Variants in IFNAR1 observed in about 807,000 individuals in gnomAD.
The protein encoded by IFNAR1 is interferon alpha and beta receptor subunit 1, also known as interferon alpha/beta receptor 1.
A neutral mutation model predicts 62.1 loss-of-function variants in IFNAR1; 47 were observed. That is an observed-to-expected ratio of 0.76 (90% CI 0.60 to 0.97). The LOEUF (loss-of-function observed/expected upper bound fraction) is 0.97, where lower values mean the gene tolerates loss of function less well. Ranked by LOEUF, IFNAR1 falls within the 50% of genes least tolerant of loss-of-function variation. The pLI is 0.00. For missense variants in IFNAR1, 638 were observed against 654.5 expected (o/e 0.97, Z 0.27); for synonymous variants, 219 against 226.9 (o/e 0.97, Z 0.31).
chr21:33,352,912 A>C lies in IFNAR1; in HGVS notation c.1294+4A>C. The C allele has an allele frequency of 6.4e-7, 1 of 1,561,694 alleles. No individual in the cohort carries two copies. Reference sequence around the variant, plus strand: ...GTATGTGAGAAAACAAAACCAGGTCAGAATCTTTTATTGTCTTTTTTAAAA... The same window carrying C: ...GTATGTGAGAAAACAAAACCAGGTCCGAATCTTTTATTGTCTTTTTTAAAA... On this transcript the variant is annotated splice_donor_region_variant and intron_variant, in intron 9 of 10. Coordinates refer to ENST00000270139, the MANE Select transcript of IFNAR1 (RefSeq NM_000629.3).
rs565741546 is a variant in IFNAR1, at chr21:33,351,787, T to G, written c.1144-971T>G. 3.0e-4 allele frequency among the ~76,000 whole-genome samples: 46 copies of G among 152,090 alleles called. 1 individual carries two copies. In the East Asian group the frequency reaches 6.8e-3, roughly 22 times the overall value. On this transcript the variant is annotated intron_variant, in intron 8 of 10. Transcript: ENST00000270139. ...CTTTTTTGGTGGTGGTGGTGGTGGT[T>G]GTTTTGGAAATAGGGATTTCCTCAG...
intron 5 of IFNAR1, among the ~76,000 whole-genome samples, chr21:33,344,933 G>A (rs562965068): frequency 1.4e-3 from 213 of 152,046 alleles, no homozygotes; most frequent in Non-Finnish European, 2.4e-3. Context: ...GATTACAGGC[G>A]TGTGCCATCA....
At chr21:33,331,175 A>G (rs1351167287) in intron 1 of IFNAR1, among the ~76,000 whole-genome samples, 1 of 152,118 alleles carries the variant, frequency 6.6e-6, no homozygotes, top group African/African-American at 2.4e-5. Flanking sequence ...TACTCCACCT[A>G]CTCCTACCCC....
At chr21:33,348,851 TCTAA>T (rs1225672768) in intron 6 of IFNAR1, among the ~76,000 whole-genome samples, 2 of 152,044 alleles carry the variant, frequency 1.3e-5, no homozygotes, top group African/African-American at 4.8e-5. Context: ...TCCTGGAAAT[TCTAA>T]CTAACAGATG....
chr21:33,334,106 G>C lies in IFNAR1; in HGVS notation c.77-1418G>C, dbSNP rs1247930067. ...AAGAAGGTTATTATATAATGATAAA[G>C]GGACCAATTCAGCAAGAGGATATAA... On this transcript the variant is annotated intron_variant, in intron 1 of 10. Coordinates refer to ENST00000270139, the MANE Select transcript of IFNAR1 (RefSeq NM_000629.3). 1.3e-5 allele frequency among the ~76,000 whole-genome samples: 2 copies of C among 152,064 alleles called. 1 individual carries two copies.
chr21:33,331,963 G>A (rs567093243), intron 1 of IFNAR1, among the ~76,000 whole-genome samples: 14 of 152,208 alleles, frequency 9.2e-5, no homozygotes, highest in East Asian at 5.8e-4. Context: ...GAGCAACTAC[G>A]TCCAAGCCCT....
rs1290058232 is a variant in IFNAR1 at position 33,358,633 on chromosome 21, C to G, written c.*3084C>G. 6.6e-6 allele frequency: 1 copy of G among 151,934 alleles called. No individual in the cohort carries two copies. Among genetic ancestry groups the G allele is most frequent in the Non-Finnish European group, 1.5e-5 (1 of 67,996 alleles). 9.4% of individuals were successfully genotyped at this position (151,934 alleles called of 1,614,324 possible). On this transcript the variant is annotated 3_prime_UTR_variant, in exon 11 of 11. Transcript: ENST00000270139. ...TATACCTTGTAACTAAAAATTAGAACAGCTCCCTAGAATTGTGAACTTTTA... is the reference window on the plus strand; with the variant it reads ...TATACCTTGTAACTAAAAATTAGAAGAGCTCCCTAGAATTGTGAACTTTTA...
At chr21:33,346,219 ATG>A (rs1476166255) in intron 6 of IFNAR1, among the ~76,000 whole-genome samples, 1 of 152,204 alleles carries the variant, frequency 6.6e-6, no homozygotes, top group South Asian at 2.1e-4. Context: ...AAAATGGGTT[ATG>A]GGGAGAAAAG....
intron 1 of IFNAR1, among the ~76,000 whole-genome samples, chr21:33,330,542 AAC>A (rs911524060): frequency 6.6e-6 from 1 of 152,030 alleles, no homozygotes; most frequent in South Asian, 2.1e-4. Flanking sequence ...AAACAAAGCA[AAC>A]ACACACACAC....
At chr21:33,342,655 T>C (rs536567605) in intron 3 of IFNAR1, among the ~76,000 whole-genome samples, 27 of 125,924 alleles carry the variant, frequency 2.1e-4, no homozygotes, top group South Asian at 1.2e-3. Flanking sequence ...CCATCCTGGC[T>C]AACACGGTGA....
At chr21:33,343,053 A>G (rs188755098) in intron 3 of IFNAR1, among the ~76,000 whole-genome samples, 24 of 151,994 alleles carry the variant, frequency 1.6e-4, no homozygotes, top group Non-Finnish European at 2.4e-4. Context: ...CATCTTCCCA[A>G]CTTTTCAGTG....
chr21:33,342,066 T>C (rs1337483165), intron 3 of IFNAR1, among the ~76,000 whole-genome samples: 1 of 152,214 alleles, frequency 6.6e-6, no homozygotes, highest in Non-Finnish European at 1.5e-5. Context: ...TATAAAAATA[T>C]ACAGCCCACA....
Position 33,349,211 on chromosome 21 carries a change from C to G in IFNAR1, c.909C>G (p.Tyr303Ter). ...AAAACGTTTTCCAAAAAGGAATTTA[C>G]CTTCTCCGCGTACAAGCATCTGATG... ...FPQNVFQKGIYLLRVQASDGN... is the reference protein window; with the variant it reads ...FPQNVFQKGI The change falls in exon 7 of 11, where the codon TAC becomes TAG. Residue 303 changes from tyrosine to a stop codon, truncating the protein, a stop_gained. Coordinates refer to ENST00000270139, the MANE Select transcript of IFNAR1 (RefSeq NM_000629.3). LOFTEE classifies it high-confidence loss of function. 6.2e-7 allele frequency: 1 copy of G among 1,613,436 alleles called. No homozygotes were observed. Among genetic ancestry groups the G allele is most frequent in the African/African-American group, 1.3e-5 (1 of 75,018 alleles).
chr21:33,324,888 G>C, upstream of IFNAR1: 2 of 311,530 alleles, frequency 6.4e-6, no homozygotes, highest in Non-Finnish European at 1.1e-5. Flanking sequence ...GTGCGCGGAG[G>C]GGCGGTGTGT....
rs1001951146 is a variant in IFNAR1 at position 33,342,640 on chromosome 21, C to G, written c.377-628C>G. On this transcript the variant is annotated intron_variant, in intron 3 of 10. Transcript: ENST00000270139. ...CGGGCAGATCACGAGGTCAGGAGAT[C>G]GAGACCATCCTGGCTAACACGGTGA... 4.1e-5 allele frequency among the ~76,000 whole-genome samples: 6 copies of G among 146,276 alleles called. No homozygotes were observed. The South Asian group carries it at 6.4e-4, about 16-fold the overall frequency.
intron 5 of IFNAR1, among the ~76,000 whole-genome samples, chr21:33,344,330 G>C (rs1206853542): frequency 1.3e-5 from 2 of 152,118 alleles, no homozygotes; most frequent in Non-Finnish European, 2.9e-5. Flanking sequence ...TTTGTAAGTG[G>C]AATGTTAAAA....
At chr21:33,327,030 C>A (rs2083133290) in intron 1 of IFNAR1, among the ~76,000 whole-genome samples, 1 of 152,090 alleles carries the variant, frequency 6.6e-6, no homozygotes, top group Non-Finnish European at 1.5e-5. Flanking sequence ...AAATACTTTA[C>A]CTGTTGGCTT....
intron 1 of IFNAR1, among the ~76,000 whole-genome samples, chr21:33,329,313 T>C (rs2083155478): frequency 6.6e-6 from 1 of 152,206 alleles, no homozygotes; most frequent in South Asian, 2.1e-4. Context: ...CTGCATAGAA[T>C]CTATAAATTC....
rs2083482466 is a variant in IFNAR1, at chr21:33,359,664, A to G, written c.*4115A>G. On this transcript the variant is annotated 3_prime_UTR_variant, in exon 11 of 11. Transcript: ENST00000270139. Reference sequence around the variant, plus strand: ...AGGAGGCTCTTCAGTCTCACAGATAAGTAGATCTCTCCTGCTGTCTGGACA... The same window carrying G: ...AGGAGGCTCTTCAGTCTCACAGATAGGTAGATCTCTCCTGCTGTCTGGACA... 1 of 152,210 alleles carries G rather than the reference A, an allele frequency of 6.6e-6. No individual in the cohort carries two copies. The allele number at this position is 152,210 out of a possible 1,614,324, so 9.4% of individuals were successfully genotyped here.
Sources: allele counts gnomAD v4.1 joint callset (sites outside exome capture counted in the v4.1 genomes callset), GRCh38; gene constraint gnomAD v4.1.1; transcripts MANE v1.5; gene names NCBI Gene and HGNC (gene_info 2026-07-23, HGNC 2026-07-21).